Variants in CCDC88C observed in about 807,000 individuals in gnomAD.
CCDC88C encodes protein Daple.
A neutral mutation model predicts 198.8 loss-of-function variants in CCDC88C; 131 were observed. That is an observed-to-expected ratio of 0.66 (90% CI 0.57 to 0.76). The LOEUF (loss-of-function observed/expected upper bound fraction) is 0.76. Ranked by LOEUF, CCDC88C falls within the 30% of genes least tolerant of loss-of-function variation. The pLI is 0.00. For synonymous variants in CCDC88C, 1,166 were observed against 1,114.7 expected (o/e 1.05, Z -0.92); for missense variants, 2,553 against 2,631.6 (o/e 0.97, Z 0.65).
intron 3 of CCDC88C, among the ~76,000 whole-genome samples, chr14:91,382,159 T>C (rs1884838066): frequency 6.6e-6 from 1 of 152,168 alleles, no homozygotes; most frequent in Non-Finnish European, 1.5e-5. Context: ...TAGCAAACAC[T>C]GTGTATGGAG....
At chr14:91,317,803 G>C (rs1429180401) in intron 13 of CCDC88C, among the ~76,000 whole-genome samples, 4 of 152,228 alleles carry the variant, frequency 2.6e-5, no homozygotes, top group African/African-American at 9.7e-5. Context: ...GGGAGGAAGT[G>C]GGTAGGGCCT....
intron 22 of CCDC88C, 143 bp from the exon 23 acceptor site, chr14:91,294,461 C>A: frequency 1.1e-6 from 1 of 925,112 alleles, no homozygotes; most frequent in Non-Finnish European, 1.6e-6. Flanking sequence ...TGGAAAGGGC[C>A]AAACGGCCAA....
chr14:91,289,781 T>C (rs1465922799), intron 24 of CCDC88C, among the ~76,000 whole-genome samples: 1 of 152,162 alleles, frequency 6.6e-6, no homozygotes, highest in Non-Finnish European at 1.5e-5. Context: ...GAGCAGGCTG[T>C]TTGATTAAAA....
In CCDC88C at chr14:91,338,979, G is replaced by A. The variant is rs891594012; in HGVS notation, c.809+299C>T. 54 of 521,580 alleles carry A rather than the reference G, an allele frequency of 1.0e-4. No individual in the cohort carries two copies. Among genetic ancestry groups the A allele is most frequent in the African/African-American group, 7.7e-5 (4 of 52,254 alleles). The allele number at this position is 521,580 out of a possible 1,614,324, so 32.3% of individuals were successfully genotyped here. A position where few individuals can be genotyped will look rare whatever the true frequency, so the allele number is the denominator to read the frequency against. On this transcript the variant is annotated intron_variant, in intron 8 of 29. Coordinates refer to ENST00000389857, the MANE Select transcript of CCDC88C (RefSeq NM_001080414.4). The surrounding 1 kb of genome is among the most constrained non-coding windows in gnomAD (Gnocchi z 4.8). ...CCAAGAAAACACATCAGGTGTGGTC[G>A]TCCCGGCCCCAAGCTGGAGCTGAGC...
At chr14:91,333,269 T>C (rs1892909602) in intron 10 of CCDC88C, among the ~76,000 whole-genome samples, 1 of 152,260 alleles carries the variant, frequency 6.6e-6, no homozygotes, top group Admixed American at 6.5e-5. Context: ...CCTGTTGCTT[T>C]ATGCCTTATT....
At chr14:91,327,315 C>T (rs145311356) in intron 10 of CCDC88C, among the ~76,000 whole-genome samples, 101 of 152,326 alleles carry the variant, frequency 6.6e-4, no homozygotes, top group African/African-American at 2.2e-3. Context: ...TTCCGGCCAG[C>T]GGACACAGCT....
At chr14:91,387,311 C>T (rs564829584) in intron 3 of CCDC88C, among the ~76,000 whole-genome samples, 15 of 152,336 alleles carry the variant, frequency 9.8e-5, no homozygotes, top group African/African-American at 3.6e-4. Flanking sequence ...AGAACCTCTA[C>T]GGGTTGTCAT....
rs722609 is a variant in CCDC88C at position 91,306,193 on chromosome 14, T to C, written c.3196-267A>G. Among the ~76,000 whole-genome samples, 401 of 152,340 alleles carry C rather than the reference T, an allele frequency of 2.6e-3. 2 individuals carry two copies. The highest frequency in any genetic ancestry group is 9.4e-3 in the African/African-American group (389 of 41,584). On this transcript the variant is annotated intron_variant, in intron 18 of 29. Transcript: ENST00000389857. ...ATGCTGGAGTTAAAGCTGCTTCCTT[T>C]GTCTCTTTAATGCTTTCCTTTGTTT...
chr14:91,384,271 CTCTTT>C, intron 3 of CCDC88C: 3 of 298,924 alleles, frequency 1.0e-5, no homozygotes, highest in South Asian at 4.5e-5. Context: ...ACCCCCATCT[CTCTTT>C]TTTTTTTTTT....
intron 25 of CCDC88C, 117 bp from the exon 26 acceptor site, chr14:91,283,634 G>A (rs550665064): frequency 1.3e-5 from 13 of 993,862 alleles, no homozygotes; most frequent in African/African-American, 4.9e-5. Context: ...AGACAAAAGC[G>A]GGGCTGCCAC....
intron 10 of CCDC88C, among the ~76,000 whole-genome samples, chr14:91,327,076 C>T (rs1055914778): frequency 1.3e-5 from 2 of 152,314 alleles, no homozygotes; most frequent in Middle Eastern, 3.4e-3. Flanking sequence ...TTCCAAGCAC[C>T]GCTCGGTATC....
intron 3 of CCDC88C, among the ~76,000 whole-genome samples, chr14:91,391,209 C>T (rs1285889908): frequency 1.3e-5 from 2 of 150,920 alleles, no homozygotes; most frequent in African/African-American, 2.4e-5. Context: ...TTTAGTTTAC[C>T]ATCATCCTCA....
intron 3 of CCDC88C, chr14:91,379,803 A>G (rs1298261157): frequency 1.4e-6 from 1 of 702,622 alleles, no homozygotes; most frequent in Admixed American, 2.0e-5. Context: ...GTCCACTTCC[A>G]CTGGGTTTGT....
intron 2 of CCDC88C, among the ~76,000 whole-genome samples, chr14:91,412,028 T>A (rs1886819014): frequency 6.6e-6 from 1 of 151,762 alleles, no homozygotes; most frequent in African/African-American, 2.4e-5. Context: ...AGAGTTATAA[T>A]TTAGGCTTAC....
At chr14:91,401,332 T>TTATATATATA (rs10655580) in intron 3 of CCDC88C, among the ~76,000 whole-genome samples, 2 of 136,678 alleles carry the variant, frequency 1.5e-5, no homozygotes, top group Non-Finnish European at 3.1e-5. Context: ...ATTACATATA[T>TTATATATATA]TATATATATA....
chr14:91,272,330 A>C lies in CCDC88C; in HGVS notation c.*295T>G. On this transcript the variant is annotated 3_prime_UTR_variant, in exon 30 of 30. Coordinates refer to ENST00000389857, the MANE Select transcript of CCDC88C (RefSeq NM_001080414.4). ...ACTGGAGTAGTGTCTGCTTTGGGGG[A>C]AGTCAGTTTGTCATTGCATCCTAAT... 1 of 417,540 alleles carries C rather than the reference A, an allele frequency of 2.4e-6. No individual in the cohort carries two copies. Among genetic ancestry groups the C allele is most frequent in the Non-Finnish European group, 4.3e-6 (1 of 230,552 alleles). 25.9% of individuals were successfully genotyped at this position (417,540 alleles called of 1,614,324 possible). A position where few individuals can be genotyped will look rare whatever the true frequency, so the allele number is the denominator to read the frequency against.
rs1404674221 is a variant in CCDC88C, at chr14:91,381,487, C to T, written c.271-21776G>A. On this transcript the variant is annotated intron_variant, in intron 3 of 29. Coordinates refer to ENST00000389857, the MANE Select transcript of CCDC88C (RefSeq NM_001080414.4). This position sits in a 1 kb window ranked among gnomAD's most constrained non-coding sequence, Gnocchi z 4.2. The stretch of plus-strand genomic sequence containing the variant: ...CCCAAGAAGAGAGCAGGCAGCAACA[C>T]TTTCTGCCCCAGGTGGCCCCTGCAG... Among the ~76,000 whole-genome samples the T allele has an allele frequency of 2.0e-5, 3 of 152,224 alleles. No homozygotes were observed. Among genetic ancestry groups the T allele is most frequent in the Non-Finnish European group, 4.4e-5 (3 of 68,046 alleles).
intron 10 of CCDC88C, among the ~76,000 whole-genome samples, chr14:91,336,743 C>T (rs1482013412): frequency 2.6e-5 from 4 of 152,228 alleles, no homozygotes; most frequent in African/African-American, 9.6e-5. Flanking sequence ...AAGACACTCC[C>T]TGAGTGGGTC....
chr14:91,330,482 C>T (rs1015753236), intron 10 of CCDC88C, among the ~76,000 whole-genome samples: 5 of 152,152 alleles, frequency 3.3e-5, no homozygotes, highest in African/African-American at 7.2e-5. Context: ...ATTAGGGAGG[C>T]ACTCCGCAGG....
Sources: gnomAD v4.1 joint callset for allele counts (sites outside exome capture counted in the v4.1 genomes callset) on GRCh38, gnomAD v4.1.1 for gene constraint, Gnocchi (gnomAD v3.1) non-coding constraint, MANE v1.5 for transcripts, NCBI Gene and HGNC (gene_info 2026-07-23, HGNC 2026-07-21) for gene names.